Variants in RAB27B observed in about 807,000 individuals in gnomAD.
RAB27B encodes the protein RAB27B, member RAS oncogene family, also known as ras-related protein Rab-27B.
Under a neutral mutation model 24.6 loss-of-function variants are expected in RAB27B, and 15 were observed. That is an observed-to-expected ratio of 0.61 (90% CI 0.41 to 0.94). The LOEUF is 0.94. Ranked by LOEUF, RAB27B falls within the 40% of genes least tolerant of loss-of-function variation. RAB27B has a pLI of 0.00. For synonymous variants in RAB27B, 105 were observed against 92.5 expected, an observed-to-expected ratio of 1.14 and a Z score of -0.78; for missense variants, 261 against 266.8, an observed-to-expected ratio of 0.98 and a Z score of 0.15.
chr18:54,772,276 G>A (rs187506484), intron 2 of RAB27B, among the ~76,000 whole-genome samples: 1 of 152,288 alleles, frequency 6.6e-6, no homozygotes, highest in Admixed American at 6.5e-5. Context: ...TGGGTTAGAT[G>A]CCAATGGTTC....
intron 2 of RAB27B, among the ~76,000 whole-genome samples, chr18:54,805,824 A>G (rs1909774337): frequency 1.3e-5 from 2 of 152,226 alleles, no homozygotes; most frequent in South Asian, 4.1e-4. Flanking sequence ...TGGATCTTAT[A>G]TAGAGTAATA....
intron 2 of RAB27B, among the ~76,000 whole-genome samples, chr18:54,780,238 C>T (rs1176692924): frequency 7.1e-6 from 1 of 140,740 alleles, no homozygotes; most frequent in Non-Finnish European, 1.5e-5. Context: ...AGACAACCTC[C>T]CCCTCACTAT....
At chr18:54,863,705 A>G (rs561289926) in intron 1 of RAB27B, among the ~76,000 whole-genome samples, 1 of 152,224 alleles carries the variant, frequency 6.6e-6, no homozygotes, top group Non-Finnish European at 1.5e-5. Flanking sequence ...AAAAGCGCCT[A>G]TACACTATGT....
chr18:54,883,122 A>G (rs1912994192), intron 3 of RAB27B, among the ~76,000 whole-genome samples: 1 of 152,144 alleles, frequency 6.6e-6, no homozygotes, highest in African/African-American at 2.4e-5. Flanking sequence ...AGAAAAAGAA[A>G]TTAGGAAGAG....
chr18:54,838,986 G>A (rs1411804138), intron 1 of RAB27B, among the ~76,000 whole-genome samples: 1 of 152,042 alleles, frequency 6.6e-6, no homozygotes, highest in Non-Finnish European at 1.5e-5. Flanking sequence ...TTTATAAAGA[G>A]TATATGGACT....
At chr18:54,773,104 C>T (rs917082038) in intron 2 of RAB27B, among the ~76,000 whole-genome samples, 8 of 152,060 alleles carry the variant, frequency 5.3e-5, no homozygotes, top group African/African-American at 1.9e-4. Context: ...TTGGCAAAGG[C>T]CATCTCATAT....
chr18:54,762,102 G>A (rs932942984), intron 2 of RAB27B, among the ~76,000 whole-genome samples: 6 of 152,144 alleles, frequency 3.9e-5, no homozygotes, highest in East Asian at 1.9e-4. Flanking sequence ...AACAGAAATT[G>A]GCAGCGTAAG....
upstream of RAB27B, among the ~76,000 whole-genome samples, chr18:54,826,567 C>A (rs1910483283): frequency 6.6e-6 from 1 of 152,164 alleles, no homozygotes; most frequent in Non-Finnish European, 1.5e-5. Flanking sequence ...GCTATCCCTG[C>A]AAGAGTTGGC....
At chr18:54,738,345 G>A (rs1345528515) in intron 2 of RAB27B, among the ~76,000 whole-genome samples, 1 of 152,134 alleles carries the variant, frequency 6.6e-6, no homozygotes, top group African/African-American at 2.4e-5. Flanking sequence ...TAATCCCCAT[G>A]TATTGAGGGA....
Position 54,877,711 on chromosome 18 carries a change from A to C in RAB27B, c.126A>C (p.Val42=). ...TCAATCCCAAATTCATCACTACAGT[A>C]GGAATAGACTTTCGGGAAAAACGTG... ...NKFNPKFITT[V]GIDFREKRVV... The change falls in exon 2 of 6, where the codon GTA becomes GTC. Residue 42 remains valine, a synonymous_variant. Coordinates refer to ENST00000262094, the MANE Select transcript of RAB27B (RefSeq NM_004163.4). 1 of 1,588,640 alleles carries C rather than the reference A, an allele frequency of 6.3e-7. No homozygotes were observed. Among genetic ancestry groups the C allele is most frequent in the Non-Finnish European group, 8.5e-7 (1 of 1,172,804 alleles).
At chr18:54,823,242 C>T (rs544140934) in intron 2 of RAB27B, among the ~76,000 whole-genome samples, 1 of 152,368 alleles carries the variant, frequency 6.6e-6, no homozygotes, top group Middle Eastern at 3.4e-3. Context: ...GTTAGTCACA[C>T]TGTGAGGTTT....
rs1267929626 is a variant in RAB27B, at chr18:54,888,031, A to T, written c.380A>T (p.Asp127Val). The T allele has an allele frequency of 1.2e-6, 2 of 1,612,866 alleles. No homozygotes were observed. The highest frequency in any genetic ancestry group is 1.7e-5 in the Admixed American group (1 of 59,940). ...LQANAYCENP[D>V]IVLIGNKADL... Reference sequence around the variant, plus strand: ...GCAAATGCTTATTGTGAAAATCCAGATATAGTATTAATTGGCAACAAGGCA... The same window carrying T: ...GCAAATGCTTATTGTGAAAATCCAGTTATAGTATTAATTGGCAACAAGGCA... The change falls in exon 5 of 6, where the codon GAT (aspartate) becomes GTT (valine). Residue 127 changes from aspartate to valine, a missense_variant. Coordinates refer to ENST00000262094, the MANE Select transcript of RAB27B (RefSeq NM_004163.4).
At chr18:54,802,906 G>A (rs1242488282) in intron 2 of RAB27B, among the ~76,000 whole-genome samples, 1 of 152,220 alleles carries the variant, frequency 6.6e-6, no homozygotes, top group Non-Finnish European at 1.5e-5. Flanking sequence ...GTAATCATGT[G>A]AGGAGTGGCA....
rs551730878 is a variant in RAB27B, at chr18:54,843,879, C to T, written c.-20+15179C>T. Among the ~76,000 whole-genome samples, 34 of 152,230 alleles carry T rather than the reference C, an allele frequency of 2.2e-4. 2 individuals are homozygous for T. In the South Asian group the frequency reaches 4.8e-3, roughly 21 times the overall value. Reference sequence around the variant, plus strand: ...TTAAAAATCATGAATATTTGGGCAACGGTCCCTCCTACACTATAATCTGTA... The same window carrying T: ...TTAAAAATCATGAATATTTGGGCAATGGTCCCTCCTACACTATAATCTGTA... On this transcript the variant is annotated intron_variant, in intron 1 of 5. Coordinates refer to ENST00000262094, the MANE Select transcript of RAB27B (RefSeq NM_004163.4).
chr18:54,825,685 A>G (rs1426219312), upstream of RAB27B, among the ~76,000 whole-genome samples: 4 of 152,322 alleles, frequency 2.6e-5, no homozygotes, highest in East Asian at 7.7e-4. Flanking sequence ...TGAACCACAA[A>G]TTACTCTAGT....
At chr18:54,877,523 A>G in intron 1 of RAB27B, 44 bp from the exon 2 acceptor site, 4 of 1,300,910 alleles carry the variant, frequency 3.1e-6, no homozygotes, top group Non-Finnish European at 4.0e-6. Flanking sequence ...GCAAAGGAAA[A>G]TCAACTTTAA....
intron 2 of RAB27B, among the ~76,000 whole-genome samples, chr18:54,737,260 A>C (rs1472336852): frequency 6.6e-6 from 1 of 152,156 alleles, no homozygotes; most frequent in Non-Finnish European, 1.5e-5. Context: ...TAAGAGTTAA[A>C]TCTTGGATGG....
At chr18:54,869,952 G>A (rs145168532) in intron 1 of RAB27B, among the ~76,000 whole-genome samples, 133 of 152,148 alleles carry the variant, frequency 8.7e-4, no homozygotes, top group Middle Eastern at 3.4e-3. Flanking sequence ...ACCAATTACC[G>A]AAGAAAACAG....
intron 2 of RAB27B, among the ~76,000 whole-genome samples, chr18:54,783,418 T>C (rs1479097510): frequency 6.6e-6 from 1 of 152,200 alleles, no homozygotes; most frequent in Non-Finnish European, 1.5e-5. Context: ...ATTTTAAATG[T>C]GGTTACTTAA....
Sources: gnomAD v4.1 joint callset for allele counts (sites outside exome capture counted in the v4.1 genomes callset) on GRCh38, gnomAD v4.1.1 for gene constraint, MANE v1.5 for transcripts, NCBI Gene and HGNC (gene_info 2026-07-23, HGNC 2026-07-21) for gene names.